The following ABHD12 variants were observed in gnomAD, a reference collection of about 807,000 sequenced individuals.
ABHD12 encodes abhydrolase domain containing 12, lysophospholipase.
ABHD12 carries 43 observed loss-of-function variants against 58.3 expected under a neutral mutation model. That is an observed-to-expected ratio of 0.74 (90% confidence interval 0.58 to 0.95). ABHD12 has a LOEUF of 0.95. ABHD12 is among the 40% of genes least tolerant of loss of function. The pLI, the probability that ABHD12 is intolerant of heterozygous loss-of-function variation, is 0.00. For synonymous variants in ABHD12, 219 were observed against 211.2 expected, an observed-to-expected ratio of 1.04 and a Z score of -0.32; for missense variants, 539 against 537.2, an observed-to-expected ratio of 1.00 and a Z score of -0.03.
chr20:25,334,518 C>A lies in ABHD12; in HGVS notation c.316+4709G>T, dbSNP rs1268670131. 3.9e-5 allele frequency among the ~76,000 whole-genome samples: 6 copies of A among 152,270 alleles called. No individual in the cohort carries two copies. The East Asian group carries it at 1.2e-3, about 29-fold the overall frequency. ...CCAAGTCAATCCTAAGCCAAAAGAA[C>A]AAAGCTGGAGGCATCACACTACCTG... On this transcript the variant is annotated intron_variant, in intron 2 of 12. Coordinates refer to ENST00000339157, the MANE Select transcript of ABHD12 (RefSeq NM_001042472.3).
chr20:25,313,369 A>T (rs1178966540), intron 6 of ABHD12, among the ~76,000 whole-genome samples: 1 of 152,204 alleles, frequency 6.6e-6, no homozygotes, highest in Non-Finnish European at 1.5e-5. Context: ...TTTGTTAAAC[A>T]GATGCTTGAA....
chr20:25,327,462 G>A (rs572634928), intron 2 of ABHD12, among the ~76,000 whole-genome samples: 4 of 143,380 alleles, frequency 2.8e-5, no homozygotes, highest in Admixed American at 7.0e-5. Flanking sequence ...ACAAGACTCC[G>A]TCTCAAAAAA....
chr20:25,368,810 C>A, intron 1 of ABHD12: 2 of 626,242 alleles, frequency 3.2e-6, no homozygotes, highest in East Asian at 7.7e-5. Context: ...ATCTGCAAAG[C>A]CTACTTTCTT....
At chr20:25,356,917 C>T (rs1020566324) in intron 1 of ABHD12, among the ~76,000 whole-genome samples, 7 of 152,144 alleles carry the variant, frequency 4.6e-5, no homozygotes, top group African/African-American at 7.2e-5. Flanking sequence ...AGGAGAACTA[C>T]CTGGGACAGG....
At chr20:25,387,530 C>T in intron 1 of ABHD12, among the ~76,000 whole-genome samples, 1 of 145,658 alleles carries the variant, frequency 6.9e-6, no homozygotes, top group Non-Finnish European at 1.5e-5. Flanking sequence ...GAAGAAGGAT[C>T]GCTTGAAGCC....
rs778913964 is a variant in ABHD12, at chr20:25,339,344, C to A, written c.199G>T (p.Gly67Cys). The A allele has an allele frequency of 1.2e-5, 19 of 1,614,038 alleles. No homozygotes were observed. The highest frequency in any genetic ancestry group is 1.3e-5 in the African/African-American group (1 of 74,912). Residue 67 changes from glycine (G) to cysteine (C), a missense_variant, in exon 2 of 13, where the codon GGC becomes TGC. Gly to Cys is a radical substitution (Grantham distance 159). Transcript: ENST00000339157. ...ATCTTCCTCAGGCGCAACCACACGCCCTTTCGCCTGCAAGAGAAAAGCAAT... is the reference window on the plus strand; with the variant it reads ...ATCTTCCTCAGGCGCAACCACACGCACTTTCGCCTGCAAGAGAAAAGCAAT... The part of the protein sequence containing the change: ...GMKRALGRRK[G>C]VWLRLRKILF...
intron 1 of ABHD12, among the ~76,000 whole-genome samples, chr20:25,346,596 T>TACTTTCCACTCAATTCTGC (rs2089522039): frequency 6.6e-6 from 1 of 152,146 alleles, no homozygotes; most frequent in Admixed American, 6.5e-5. Flanking sequence ...GGAAATTCTG[T>TACTTTCCACTCAATTCTGC]ACTTTCCACT....
intron 6 of ABHD12, among the ~76,000 whole-genome samples, chr20:25,313,651 G>C (rs535324135): frequency 6.7e-6 from 1 of 149,144 alleles, no homozygotes; most frequent in Non-Finnish European, 1.5e-5. Context: ...GTGTAGTGGT[G>C]TGTGCCTGTG....
At position 25,320,278 on chromosome 20, in the gene ABHD12, T is replaced by C; in HGVS notation, c.463A>G (p.Lys155Glu). Residue 155 changes from lysine to glutamate, a missense_variant, in exon 4 of 13, where the codon AAA becomes GAA. Physicochemically the swap from Lys to Glu is moderately conservative, Grantham distance 56. Transcript: ENST00000339157. The part of the protein sequence containing the change: ...PAVWWKNAQG[K>E]DQMWYEDALA... ...GCATCCTCATACCACATCTGGTCTT[T>C]GCCTTGGGCGTTCTTCCACCAGACT... 1 of 1,614,150 alleles carries C rather than the reference T, an allele frequency of 6.2e-7. No homozygotes were observed. The highest frequency in any genetic ancestry group is 8.5e-7 in the Non-Finnish European group (1 of 1,180,040).
chr20:25,307,497 C>T (rs2088766962), intron 9 of ABHD12, among the ~76,000 whole-genome samples: 1 of 152,250 alleles, frequency 6.6e-6, no homozygotes, highest in Non-Finnish European at 1.5e-5. Flanking sequence ...CCATTCCCAG[C>T]TGGGGAGGGC....
At chr20:25,341,262 T>C (rs1425869353) in intron 1 of ABHD12, among the ~76,000 whole-genome samples, 1 of 152,200 alleles carries the variant, frequency 6.6e-6, no homozygotes, top group Non-Finnish European at 1.5e-5. Context: ...CTGCTGGGGA[T>C]ACTGCTGCTG....
chr20:25,338,251 G>A (rs1211911020), intron 2 of ABHD12, among the ~76,000 whole-genome samples: 1 of 152,010 alleles, frequency 6.6e-6, no homozygotes, highest in Non-Finnish European at 1.5e-5. Context: ...CTTACCTGCT[G>A]CCTCAGCAAT....
At chr20:25,345,108 T>C (rs958459048) in intron 1 of ABHD12, among the ~76,000 whole-genome samples, 2 of 151,482 alleles carry the variant, frequency 1.3e-5, no homozygotes, top group African/African-American at 2.4e-5. Context: ...TTTCTGGAGA[T>C]GGAGTCTCGC....
At chr20:25,317,856 C>CTTTTTT in intron 4 of ABHD12, among the ~76,000 whole-genome samples, 1 of 152,220 alleles carries the variant, frequency 6.6e-6, no homozygotes, top group African/African-American at 2.4e-5. Context: ...GACCCCACAG[C>CTTTTTT]AGGGACATGG....
At chr20:25,349,572 G>T (rs545843142) in intron 1 of ABHD12, among the ~76,000 whole-genome samples, 2 of 152,162 alleles carry the variant, frequency 1.3e-5, no homozygotes, top group Non-Finnish European at 2.9e-5. Flanking sequence ...GCCATAAAAA[G>T]AATGAAATTT....
At chr20:25,353,262 C>G (rs376045720) in intron 1 of ABHD12, among the ~76,000 whole-genome samples, 34 of 52,228 alleles carry the variant, frequency 6.5e-4, no homozygotes, top group Admixed American at 5.8e-3. Flanking sequence ...TTGTTTGTTT[C>G]TGTTTTTTTT....
intron 1 of ABHD12, among the ~76,000 whole-genome samples, chr20:25,373,597 ACTTTT>A (rs777674995): frequency 7.2e-5 from 11 of 151,930 alleles, no homozygotes; most frequent in Admixed American, 4.6e-4. Context: ...ATTCTTACTT[ACTTTT>A]CTTTTAAGAA....
chr20:25,348,446 T>TAA (rs59369733), intron 1 of ABHD12, among the ~76,000 whole-genome samples: 8 of 124,260 alleles, frequency 6.4e-5, no homozygotes, highest in East Asian at 2.6e-4. Context: ...AACCATTTGG[T>TAA]AAAAAAAAAA....
At chr20:25,330,155 C>T (rs2500435) in intron 2 of ABHD12, among the ~76,000 whole-genome samples, 3,828 of 152,328 alleles carry the variant, frequency 0.025, 147 homozygotes, top group African/African-American at 0.083. Flanking sequence ...ACTCGGGAAG[C>T]GCAAGGGGTC....
Sources: allele counts gnomAD v4.1 joint callset (sites outside exome capture counted in the v4.1 genomes callset), GRCh38; gene constraint gnomAD v4.1.1; transcripts MANE v1.5; gene names NCBI Gene and HGNC (gene_info 2026-07-23, HGNC 2026-07-21).